The following SLC38A4 variants were observed in gnomAD, a reference collection of about 807,000 sequenced individuals.
SLC38A4 encodes the protein sodium-coupled neutral amino acid transporter 4.
SLC38A4 carries 20 observed loss-of-function variants against 63.1 expected under a neutral mutation model. The ratio of observed to expected loss-of-function variants is 0.32; its 90% CI spans 0.22 to 0.46. SLC38A4 has a LOEUF of 0.46. SLC38A4 is among the 20% of genes least tolerant of loss of function. The pLI, the probability that SLC38A4 is intolerant of heterozygous loss-of-function variation, is 1.00. For missense variants in SLC38A4, 526 were observed against 663.6 expected (o/e 0.79, Z 2.28); for synonymous variants, 230 against 225.5 (o/e 1.02, Z -0.18).
chr12:46,816,531 G>A lies in SLC38A4; in HGVS notation c.-305+9372C>T, dbSNP rs549497943. Among the ~76,000 whole-genome samples, 9 of 151,838 alleles carry A rather than the reference G, an allele frequency of 5.9e-5. No homozygotes were observed. The East Asian group carries it at 9.7e-4, about 16-fold the overall frequency. Reference sequence around the variant, plus strand: ...TATTTCTAAAGTATATGCATAAAACGTTGCTTCAACTTCTATAGAAATAAA... The same window carrying A: ...TATTTCTAAAGTATATGCATAAAACATTGCTTCAACTTCTATAGAAATAAA... On this transcript the variant is annotated intron_variant, in intron 1 of 16. Transcript: ENST00000266579.
chr12:46,783,551 C>G (rs1291560990), intron 7 of SLC38A4, among the ~76,000 whole-genome samples: 1 of 151,968 alleles, frequency 6.6e-6, no homozygotes, highest in African/African-American at 2.4e-5. Flanking sequence ...AAATGGTGAT[C>G]ATCTGTGGTC....
chr12:46,778,381 G>C lies in SLC38A4; in HGVS notation c.994-13C>G. Reference sequence around the variant, plus strand: ...TTGCATAGGCCGTCTGAAAAACAAAGACAACACCACGTGTTTAGCATTCCA... The same window carrying C: ...TTGCATAGGCCGTCTGAAAAACAAACACAACACCACGTGTTTAGCATTCCA... On this transcript the variant is annotated splice_polypyrimidine_tract_variant and intron_variant, in intron 11 of 16. Transcript: ENST00000266579. The C allele has an allele frequency of 2.5e-6, 4 of 1,612,434 alleles. No individual in the cohort carries two copies. Among genetic ancestry groups the C allele is most frequent in the Non-Finnish European group, 3.4e-6 (4 of 1,179,084 alleles).
chr12:46,791,981 C>G (rs977668388), intron 3 of SLC38A4, among the ~76,000 whole-genome samples: 1 of 152,010 alleles, frequency 6.6e-6, no homozygotes, highest in Non-Finnish European at 1.5e-5. Flanking sequence ...AGGGGCAGGT[C>G]AAGAACAGAT....
At chr12:46,788,843 T>C (rs919033918) in intron 3 of SLC38A4, among the ~76,000 whole-genome samples, 1 of 152,128 alleles carries the variant, frequency 6.6e-6, no homozygotes, top group African/African-American at 2.4e-5. Flanking sequence ...AGGAAGGAAA[T>C]ATTATTTTTA....
Position 46,766,060 on chromosome 12 carries a change from A to G in SLC38A4, c.*641T>C, listed in dbSNP as rs1441563295. ...AACATTTAAATATAGATGTTTTAAC[A>G]TTTACAAAAATCTATTGAATATAGA... On this transcript the variant is annotated 3_prime_UTR_variant, in exon 17 of 17. Transcript: ENST00000266579. The G allele has an allele frequency of 5.8e-6, 1 of 173,600 alleles. No individual in the cohort carries two copies. Among genetic ancestry groups the G allele is most frequent in the African/African-American group, 2.4e-5 (1 of 41,714 alleles). The allele number at this position is 173,600 out of a possible 1,614,324, so 10.8% of individuals were successfully genotyped here.
In SLC38A4 at chr12:46,787,999, T is replaced by G. The variant is rs754388808; in HGVS notation, c.243A>C (p.Ser81=). ...CCATGATGGCATTACTCAGGTTAAA[T>G]GAAGACATTCCAAAGGAAGTGGTTC... is the stretch of plus-strand genomic sequence containing the variant. The part of the protein sequence containing the change: ...HPGTTSFGMS[S]FNLSNAIMGS... The change falls in exon 5 of 17, where the codon TCA becomes TCC. Residue 81 remains serine, a synonymous_variant. Transcript: ENST00000266579. The G allele has an allele frequency of 6.2e-7, 1 of 1,613,836 alleles. No homozygotes were observed. Among genetic ancestry groups the G allele is most frequent in the Non-Finnish European group, 8.5e-7 (1 of 1,179,808 alleles).
At chr12:46,778,200 C>T in intron 12 of SLC38A4, 89 bp downstream of exon 12, 3 of 1,263,610 alleles carry the variant, frequency 2.4e-6, no homozygotes, top group Non-Finnish European at 3.4e-6. Flanking sequence ...GAAGAGGAAG[C>T]TATAAACTGT....
In SLC38A4 at chr12:46,766,550, T is replaced by A; in HGVS notation, c.*151A>T. On this transcript the variant is annotated 3_prime_UTR_variant, in exon 17 of 17. Coordinates refer to ENST00000266579, the MANE Select transcript of SLC38A4 (RefSeq NM_018018.5). The stretch of plus-strand genomic sequence containing the variant: ...TTGACAAAAACAGTGATTTTCCTCT[T>A]CTGCAGGTGCCTGGTGATATTACTG... 1.4e-6 allele frequency: 1 copy of A among 704,734 alleles called. No individual in the cohort carries two copies. Among genetic ancestry groups the A allele is most frequent in the Non-Finnish European group, 2.6e-6 (1 of 387,532 alleles). 43.7% of individuals were successfully genotyped at this position (704,734 alleles called of 1,614,324 possible).
intron 2 of SLC38A4, among the ~76,000 whole-genome samples, chr12:46,794,608 TA>T (rs1236710325): frequency 6.6e-6 from 1 of 151,582 alleles, no homozygotes; most frequent in African/African-American, 2.4e-5. Flanking sequence ...GGAAGACTTA[TA>T]AAATTGAAAG....
At position 46,784,638 on chromosome 12, in the gene SLC38A4, C is replaced by A; in HGVS notation, c.401-4G>T. 6.2e-7 allele frequency: 1 copy of A among 1,607,054 alleles called. No individual in the cohort carries two copies. The highest frequency in any genetic ancestry group is 8.5e-7 in the Non-Finnish European group (1 of 1,175,516). ...AATTTTTCATAAATCAAAGACCCTA[C>A]AATCAAAGATAAAATAGCCTTGTTA... On this transcript the variant is annotated splice_polypyrimidine_tract_variant and splice_region_variant and intron_variant, in intron 6 of 16. Transcript: ENST00000266579.
At chr12:46,796,418 T>C (rs1490633288) in intron 2 of SLC38A4, among the ~76,000 whole-genome samples, 4 of 152,168 alleles carry the variant, frequency 2.6e-5, no homozygotes, top group Admixed American at 2.6e-4. Context: ...TGCTGCTCAT[T>C]TTCCTTAGTT....
intron 1 of SLC38A4, among the ~76,000 whole-genome samples, chr12:46,805,945 A>C (rs1424035396): frequency 6.6e-6 from 1 of 151,876 alleles, no homozygotes; most frequent in Non-Finnish European, 1.5e-5. Flanking sequence ...TTGGCTTCCC[A>C]GACTAGAACC....
At position 46,799,004 on chromosome 12, in the gene SLC38A4, T is replaced by C. The variant is rs1428068701; in HGVS notation, c.-113+4599A>G. On this transcript the variant is annotated intron_variant, in intron 2 of 16. Transcript: ENST00000266579. ...TCTGACTTTTCCATTTTCTATGAAATGAAGTTAATATTATTTACCACAAAG... is the reference window on the plus strand; with the variant it reads ...TCTGACTTTTCCATTTTCTATGAAACGAAGTTAATATTATTTACCACAAAG... Among the ~76,000 whole-genome samples the C allele has an allele frequency of 3.9e-5, 6 of 152,268 alleles. No individual in the cohort carries two copies. In the East Asian group the frequency reaches 1.2e-3, roughly 30 times the overall value.
rs1343941580 is a variant in SLC38A4 at position 46,788,474 on chromosome 12, G to A, written c.210+54C>T. 7.2e-6 allele frequency: 10 copies of A among 1,388,966 alleles called. No homozygotes were observed. The East Asian group carries it at 1.4e-4, about 19-fold the overall frequency. The allele number at this position is 1,388,966 out of a possible 1,614,324, so 86.0% of individuals were successfully genotyped here. A position where few individuals can be genotyped will look rare whatever the true frequency, so the allele number is the denominator to read the frequency against. ...ACATTGTTTTCCCACAGAGACCTAG[G>A]TAGATCAGACACCCTCAGTCCCGTT... On this transcript the variant is annotated intron_variant, in intron 4 of 16. Transcript: ENST00000266579.
chr12:46,769,458 A>G, intron 14 of SLC38A4, 30 bp from the exon 15 acceptor site: 4 of 1,599,716 alleles, frequency 2.5e-6, no homozygotes, highest in Middle Eastern at 1.7e-4. Context: ...AGGCAAGATC[A>G]TTTCTTTGTT....
chr12:46,816,044 T>C (rs1038783417), intron 1 of SLC38A4, among the ~76,000 whole-genome samples: 1 of 151,962 alleles, frequency 6.6e-6, no homozygotes, highest in Non-Finnish European at 1.5e-5. Flanking sequence ...TGACATTTAA[T>C]AAAATATATG....
chr12:46,785,306 G>A, intron 5 of SLC38A4, 129 bp from the exon 6 acceptor site: 2 of 706,618 alleles, frequency 2.8e-6, no homozygotes, highest in Non-Finnish European at 2.4e-6. Context: ...GTGGATTTGG[G>A]GGAGGCTGAG....
At chr12:46,774,439 C>A (rs954912501) in intron 14 of SLC38A4, among the ~76,000 whole-genome samples, 4 of 152,060 alleles carry the variant, frequency 2.6e-5, no homozygotes, top group Admixed American at 6.6e-5. Flanking sequence ...GATCTCAGAA[C>A]AAACTGACAC....
At position 46,765,288 on chromosome 12, in the gene SLC38A4, A is replaced by G. The variant is rs1227454618; in HGVS notation, c.*1413T>C. 6.2e-6 allele frequency: 1 copy of G among 160,052 alleles called. No homozygotes were observed. Among genetic ancestry groups the G allele is most frequent in the Non-Finnish European group, 1.4e-5 (1 of 71,846 alleles). The allele number at this position is 160,052 out of a possible 1,614,324, so 9.9% of individuals were successfully genotyped here. ...TTTATGTAAGTTTGTTATAGAAGTGAGCAAGAATGATCGTGTGCATTTCTT... is the reference window on the plus strand; with the variant it reads ...TTTATGTAAGTTTGTTATAGAAGTGGGCAAGAATGATCGTGTGCATTTCTT... On this transcript the variant is annotated 3_prime_UTR_variant, in exon 17 of 17. Transcript: ENST00000266579.
Sources: gnomAD v4.1 joint callset for allele counts (sites outside exome capture counted in the v4.1 genomes callset) on GRCh38, gnomAD v4.1.1 for gene constraint, MANE v1.5 for transcripts, NCBI Gene and HGNC (gene_info 2026-07-23, HGNC 2026-07-21) for gene names.